RECK: variants seen among roughly 807,000 people sequenced by gnomAD.
RECK encodes reversion inducing cysteine rich protein with kazal motifs, also known as reversion-inducing cysteine-rich protein with Kazal motifs.
In RECK, 69 loss-of-function variants were observed where a neutral mutation model predicts 115.1. The observed-to-expected ratio is 0.60, with a 90% confidence interval of 0.49 to 0.73. RECK has a LOEUF of 0.73. Ranked by LOEUF, RECK falls within the 30% of genes least tolerant of loss-of-function variation. The probability of loss-of-function intolerance (pLI) is 0.00; values close to 1 mark genes in which losing one functional copy is unlikely to be tolerated. For synonymous variants in RECK, 414 were observed against 419.7 expected, an observed-to-expected ratio of 0.99 and a Z score of 0.17; for missense variants, 1,047 against 1,203.7, an observed-to-expected ratio of 0.87 and a Z score of 1.93.
chr9:36,058,396 G>T (rs1481829625), intron 2 of RECK, among the ~76,000 whole-genome samples: 1 of 135,608 alleles, frequency 7.4e-6, no homozygotes, highest in African/African-American at 2.8e-5. Context: ...GTAAACTATC[G>T]CAAGAACAAA....
In RECK at chr9:36,043,191, ATTTTTTTTTT is replaced by A. The variant is rs761649232; in HGVS notation, c.100+6108_100+6117del. Among the ~76,000 whole-genome samples, 13 of 54,002 alleles carry A rather than the reference ATTTTTTTTTT, an allele frequency of 2.4e-4. No individual in the cohort carries two copies. In the South Asian group the frequency reaches 3.0e-3, roughly 13 times the overall value. 35.4% of individuals were successfully genotyped at this position (54,002 alleles called of 152,430 possible). Reference sequence around the variant, plus strand: ...AGGCGCCTGCCACCACGCCTGGCTAATTTTTTTTTTTTTTTTTTTTTTTTGCGTTTTTAGT... The same window carrying A: ...AGGCGCCTGCCACCACGCCTGGCTAATTTTTTTTTTTTTTGCGTTTTTAGT... On this transcript the variant is annotated intron_variant, in intron 1 of 20. Coordinates refer to ENST00000377966, the MANE Select transcript of RECK (RefSeq NM_021111.3).
intron 1 of RECK, among the ~76,000 whole-genome samples, chr9:36,044,644 A>G (rs2132550736): frequency 6.6e-6 from 1 of 152,298 alleles, no homozygotes; most frequent in East Asian, 1.9e-4. Flanking sequence ...AAAGTTTCCT[A>G]CTCTCACTAG....
At chr9:36,050,013 A>G (rs1420509122) in intron 1 of RECK, among the ~76,000 whole-genome samples, 1 of 152,116 alleles carries the variant, frequency 6.6e-6, no homozygotes, top group Non-Finnish European at 1.5e-5. Flanking sequence ...TTATCTTCCC[A>G]TACATTGACC....
Position 36,108,213 on chromosome 9 carries a change from T to C in RECK, c.1765+49T>C, listed in dbSNP as rs771559631. 5 of 1,366,874 alleles carry C rather than the reference T, an allele frequency of 3.7e-6. No individual in the cohort carries two copies. The African/African-American group carries it at 5.8e-5, about 16-fold the overall frequency. The allele number at this position is 1,366,874 out of a possible 1,614,324, so 84.7% of individuals were successfully genotyped here. On this transcript the variant is annotated intron_variant, in intron 14 of 20. Transcript: ENST00000377966. ...TTTTTAATATGAGATTAGTTATTTT[T>C]ACTTTGTAGGAAGAATACTGGATAG...
intron 1 of RECK, among the ~76,000 whole-genome samples, chr9:36,046,881 G>GA (rs1321908196): frequency 1.3e-5 from 2 of 151,826 alleles, no homozygotes; most frequent in Admixed American, 6.6e-5. Flanking sequence ...CATTTAATTG[G>GA]AAAAAAAGGC....
At chr9:36,062,449 CCA>C (rs1821813734) in intron 4 of RECK, among the ~76,000 whole-genome samples, 1 of 151,810 alleles carries the variant, frequency 6.6e-6, no homozygotes, top group Non-Finnish European at 1.5e-5. Context: ...GTGTAAGCCA[CCA>C]CACCCAGTCT....
chr9:36,103,231 G>A (rs1823632022), intron 12 of RECK, among the ~76,000 whole-genome samples: 1 of 152,198 alleles, frequency 6.6e-6, no homozygotes, highest in Non-Finnish European at 1.5e-5. Context: ...TGGCTACAAA[G>A]GTAGACAGTG....
chr9:36,074,448 T>A (rs948532902), intron 6 of RECK, among the ~76,000 whole-genome samples: 4 of 152,172 alleles, frequency 2.6e-5, no homozygotes, highest in Non-Finnish European at 5.9e-5. Flanking sequence ...GAAATCCAAA[T>A]AGTCCATTAC....
intron 6 of RECK, among the ~76,000 whole-genome samples, chr9:36,069,620 A>G (rs1392910262): frequency 6.6e-6 from 1 of 152,196 alleles, no homozygotes; most frequent in Non-Finnish European, 1.5e-5. Flanking sequence ...AAATTGGAAG[A>G]TAGAACTAAA....
intron 12 of RECK, among the ~76,000 whole-genome samples, chr9:36,104,293 T>TGC (rs368760614): frequency 0.43 from 13,718 of 31,602 alleles, 2,058 homozygotes; most frequent in South Asian, 0.63. Flanking sequence ...TGTGTGTGTG[T>TGC]ATATATATAT....
chr9:36,080,942 T>G (rs1822657901), intron 7 of RECK, among the ~76,000 whole-genome samples: 1 of 152,204 alleles, frequency 6.6e-6, no homozygotes, highest in Non-Finnish European at 1.5e-5. Context: ...GATTGAGTAC[T>G]TGGTCAGTGT....
chr9:36,064,026 C>T, intron 5 of RECK, 146 bp downstream of exon 5: 1 of 642,614 alleles, frequency 1.6e-6, no homozygotes, highest in Non-Finnish European at 2.7e-6. Context: ...TAGACCATTT[C>T]CTTTTAGACT....
chr9:36,095,507 G>A (rs768338204), intron 10 of RECK, among the ~76,000 whole-genome samples: 4 of 152,044 alleles, frequency 2.6e-5, no homozygotes, highest in Admixed American at 6.6e-5. Context: ...AAACCGACAT[G>A]GACATTAAAA....
intron 6 of RECK, among the ~76,000 whole-genome samples, chr9:36,074,815 T>G (rs928963653): frequency 3.3e-5 from 5 of 152,218 alleles, no homozygotes; most frequent in Non-Finnish European, 7.3e-5. Context: ...CCAATAATGT[T>G]GTATAGTAAA....
chr9:36,072,136 T>A (rs1399948416), intron 6 of RECK, among the ~76,000 whole-genome samples: 7 of 152,206 alleles, frequency 4.6e-5, no homozygotes, highest in Non-Finnish European at 1.5e-5. Flanking sequence ...TGGTGTATAT[T>A]TATGTATGTC....
At chr9:36,085,590 G>T (rs892921108) in intron 8 of RECK, 5 of 151,948 alleles carry the variant, frequency 3.3e-5, no homozygotes, top group African/African-American at 1.2e-4. Context: ...AGCTGGGTGT[G>T]GTGACACACC....
At position 36,087,557 on chromosome 9, in the gene RECK, G is replaced by A. The variant is rs1178065527; in HGVS notation, c.638-137G>A. ...CCTAATGTAGATGACAGGTTGATGG[G>A]TTCAGCAAACCACCATGGCATGTGT... On this transcript the variant is annotated intron_variant, in intron 8 of 20. Coordinates refer to ENST00000377966, the MANE Select transcript of RECK (RefSeq NM_021111.3). 5 of 821,062 alleles carry A rather than the reference G, an allele frequency of 6.1e-6. No homozygotes were observed. The Admixed American group carries it at 1.1e-4, about 18-fold the overall frequency. The allele number at this position is 821,062 out of a possible 1,614,324, so 50.9% of individuals were successfully genotyped here.
intron 15 of RECK, among the ~76,000 whole-genome samples, chr9:36,110,664 C>G (rs1824005921): frequency 6.6e-6 from 1 of 152,214 alleles, no homozygotes; most frequent in African/African-American, 2.4e-5. Context: ...ATCTTGGTAT[C>G]TGCTTTTTCC....
At chr9:36,074,669 G>T (rs896099853) in intron 6 of RECK, among the ~76,000 whole-genome samples, 4 of 152,110 alleles carry the variant, frequency 2.6e-5, no homozygotes, top group Admixed American at 2.0e-4. Context: ...ATTATTCAAG[G>T]TTCTTTGTAA....
Sources: gnomAD v4.1 joint callset for allele counts (sites outside exome capture counted in the v4.1 genomes callset) on GRCh38, gnomAD v4.1.1 for gene constraint, MANE v1.5 for transcripts, NCBI Gene and HGNC (gene_info 2026-07-23, HGNC 2026-07-21) for gene names.